YAP1: variants seen among roughly 807,000 people sequenced by gnomAD.
YAP1 encodes Yes1 associated transcriptional regulator, also known as transcriptional coactivator YAP1.
YAP1 carries 5 observed loss-of-function variants against 56.9 expected under a neutral mutation model. That is an observed-to-expected ratio of 0.09 (90% CI 0.05 to 0.18). The LOEUF (loss-of-function observed/expected upper bound fraction) is 0.18, where lower values mean the gene tolerates loss of function less well. YAP1 is among the 10% of genes least tolerant of loss of function. YAP1 has a pLI of 1.00. For synonymous variants in YAP1, 265 were observed against 248.1 expected (o/e 1.07, Z -0.64); for missense variants, 539 against 651.8 (o/e 0.83, Z 1.88).
intron 3 of YAP1, among the ~76,000 whole-genome samples, chr11:102,169,853 C>T (rs372438951): frequency 1.1e-4 from 16 of 152,206 alleles, no homozygotes; most frequent in African/African-American, 3.9e-4. Flanking sequence ...AATATGGAAA[C>T]AACCACCATT....
chr11:102,196,714 C>A (rs531698660), intron 4 of YAP1, among the ~76,000 whole-genome samples: 14 of 149,556 alleles, frequency 9.4e-5, no homozygotes, highest in Admixed American at 1.3e-4. Context: ...GTAAGAACTA[C>A]CAGACAGTAC....
chr11:102,160,303 G>A (rs1428440131), intron 2 of YAP1, among the ~76,000 whole-genome samples: 1 of 152,176 alleles, frequency 6.6e-6, no homozygotes, highest in Non-Finnish European at 1.5e-5. Context: ...GATTACAGGC[G>A]TGAGCCACTG....
intron 2 of YAP1, among the ~76,000 whole-genome samples, chr11:102,118,991 A>C (rs1311602541): frequency 1.3e-5 from 2 of 152,020 alleles, no homozygotes; most frequent in African/African-American, 4.8e-5. Context: ...TAAGTTGCAC[A>C]CGTGCACATG....
At chr11:102,138,924 C>G (rs550351760) in intron 2 of YAP1, among the ~76,000 whole-genome samples, 1 of 152,172 alleles carries the variant, frequency 6.6e-6, no homozygotes, top group African/African-American at 2.4e-5. Context: ...TTACATCACA[C>G]GTGTCCAGGT....
intron 6 of YAP1, among the ~76,000 whole-genome samples, chr11:102,223,180 G>A (rs201958046): frequency 3.3e-5 from 5 of 151,210 alleles, no homozygotes; most frequent in East Asian, 1.9e-4. Context: ...CCCAGGAGGC[G>A]GAGGTTGCAG....
chr11:102,180,119 C>T (rs1565236174), intron 3 of YAP1, among the ~76,000 whole-genome samples: 1 of 150,332 alleles, frequency 6.7e-6, no homozygotes, highest in Non-Finnish European at 1.5e-5. Context: ...GAGAGATTCT[C>T]CTGCCTCAGC....
intron 6 of YAP1, among the ~76,000 whole-genome samples, chr11:102,223,392 G>A (rs954826459): frequency 6.6e-6 from 1 of 151,960 alleles, no homozygotes; most frequent in African/African-American, 2.4e-5. Flanking sequence ...AATGTATATA[G>A]GGTGGGGGGT....
At chr11:102,115,142 A>G (rs1943200323) in intron 2 of YAP1, among the ~76,000 whole-genome samples, 2 of 152,224 alleles carry the variant, frequency 1.3e-5, no homozygotes, top group African/African-American at 4.8e-5. Flanking sequence ...AGACATAAAT[A>G]GAATTTTCTC....
intron 5 of YAP1, among the ~76,000 whole-genome samples, chr11:102,208,966 C>A (rs1949258415): frequency 6.6e-6 from 1 of 152,184 alleles, no homozygotes; most frequent in Admixed American, 6.5e-5. Flanking sequence ...CAAACTTACT[C>A]TGGGTGATGG....
At chr11:102,120,972 G>A (rs1942689) in intron 2 of YAP1, among the ~76,000 whole-genome samples, 57,601 of 151,834 alleles carry the variant, frequency 0.38, 11,136 homozygotes, top group Admixed American at 0.45. Flanking sequence ...TTTTTTTCCT[G>A]TATATGGAAA....
At chr11:102,172,186 T>A (rs1291072987) in intron 3 of YAP1, among the ~76,000 whole-genome samples, 2 of 116,966 alleles carry the variant, frequency 1.7e-5, no homozygotes, top group African/African-American at 3.6e-5. Context: ...AGAGCAGAAC[T>A]TCTTCTCAAA....
At chr11:102,219,976 C>T (rs552344424) in intron 6 of YAP1, among the ~76,000 whole-genome samples, 28 of 151,916 alleles carry the variant, frequency 1.8e-4, no homozygotes, top group Non-Finnish European at 3.8e-4. Context: ...TCAAATGATC[C>T]GCCCACCTCA....
chr11:102,132,995 T>C (rs1944457553), intron 2 of YAP1, among the ~76,000 whole-genome samples: 2 of 151,994 alleles, frequency 1.3e-5, no homozygotes, highest in African/African-American at 4.8e-5. Flanking sequence ...CCGTCTCTAC[T>C]AAAAATACAA....
Position 102,231,363 on chromosome 11 carries a change from T to C in YAP1, c.*1423T>C, listed in dbSNP as rs1326848431. 1 of 152,258 alleles carries C rather than the reference T, an allele frequency of 6.6e-6. No homozygotes were observed. Among genetic ancestry groups the C allele is most frequent in the Non-Finnish European group, 1.5e-5 (1 of 68,044 alleles). The allele number at this position is 152,258 out of a possible 1,614,324, so 9.4% of individuals were successfully genotyped here. ...TGTAATGAACACATTAACGACTAGA[T>C]TAAAATATTGCCTTCAAGATTGTTC... On this transcript the variant is annotated 3_prime_UTR_variant, in exon 9 of 9. Coordinates refer to ENST00000282441, the MANE Select transcript of YAP1 (RefSeq NM_001130145.3).
intron 4 of YAP1, among the ~76,000 whole-genome samples, chr11:102,194,590 T>A (rs1461748320): frequency 6.6e-6 from 1 of 152,234 alleles, no homozygotes; most frequent in African/African-American, 2.4e-5. Context: ...AATAAATCAT[T>A]ACAAATGTAT....
At chr11:102,184,294 T>C (rs959481425) in intron 3 of YAP1, among the ~76,000 whole-genome samples, 7 of 152,216 alleles carry the variant, frequency 4.6e-5, no homozygotes, top group Non-Finnish European at 5.9e-5. Context: ...ACCATTAATA[T>C]TCAGTTTTGG....
chr11:102,180,380 A>C (rs377329118), intron 3 of YAP1, among the ~76,000 whole-genome samples: 2 of 152,110 alleles, frequency 1.3e-5, no homozygotes, highest in Admixed American at 6.5e-5. Flanking sequence ...GAAAACATGC[A>C]TAATGAAATA....
intron 2 of YAP1, among the ~76,000 whole-genome samples, chr11:102,143,793 A>T (rs1411506094): frequency 6.6e-6 from 1 of 152,222 alleles, no homozygotes; most frequent in Non-Finnish European, 1.5e-5. Flanking sequence ...GATTTCATTT[A>T]TGCTTGTGTT....
intron 2 of YAP1, among the ~76,000 whole-genome samples, chr11:102,150,176 G>A (rs558340667): frequency 1.3e-5 from 2 of 151,878 alleles, no homozygotes; most frequent in South Asian, 4.2e-4. Context: ...TAGAGACGAG[G>A]TTTCACCATG....
Sources: gnomAD v4.1 joint callset for allele counts (sites outside exome capture counted in the v4.1 genomes callset) on GRCh38, gnomAD v4.1.1 for gene constraint, MANE v1.5 for transcripts, NCBI Gene and HGNC (gene_info 2026-07-23, HGNC 2026-07-21) for gene names.